The following KCNAB2 variants were observed in gnomAD, a reference collection of about 807,000 sequenced individuals.
KCNAB2 encodes voltage-gated potassium channel subunit beta-2.
KCNAB2 carries 29 observed loss-of-function variants against 63.6 expected under a neutral mutation model. The ratio of observed to expected loss-of-function variants is 0.46; its 90% CI spans 0.34 to 0.62. The LOEUF (loss-of-function observed/expected upper bound fraction) is 0.62. Ranked by LOEUF, KCNAB2 falls within the 20% of genes least tolerant of loss-of-function variation. KCNAB2 has a pLI of 0.01. For missense variants in KCNAB2, 359 were observed against 563.9 expected (o/e 0.64, Z 3.68); for synonymous variants, 222 against 224.2 (o/e 0.99, Z 0.09).
In KCNAB2 at chr1:6,098,628, G is replaced by T; in HGVS notation, c.*54G>T. ...TTCCGTTCCCTCCTAGTCTCTGTTCGCTCGCTTAAGCTGTTTTGAAGCCAA... is the reference window on the plus strand; with the variant it reads ...TTCCGTTCCCTCCTAGTCTCTGTTCTCTCGCTTAAGCTGTTTTGAAGCCAA... On this transcript the variant is annotated 3_prime_UTR_variant, in exon 16 of 16. Coordinates refer to ENST00000378083, the MANE Select transcript of KCNAB2 (RefSeq NM_001199862.2). 1.3e-6 allele frequency: 2 copies of T among 1,586,794 alleles called. No individual in the cohort carries two copies. Among genetic ancestry groups the T allele is most frequent in the Non-Finnish European group, 1.7e-6 (2 of 1,164,776 alleles).
At chr1:6,030,541 A>G (rs1484428261), upstream of KCNAB2, among the ~76,000 whole-genome samples, 8 of 150,688 alleles carry the variant, frequency 5.3e-5, no homozygotes, top group Admixed American at 5.3e-4. Context: ...GTGTGTACAT[A>G]TGTGTGTATG....
chr1:6,094,541 C>T (rs1226512758), intron 11 of KCNAB2, 56 bp downstream of exon 11: 44 of 1,419,166 alleles, frequency 3.1e-5, no homozygotes, highest in East Asian at 2.2e-4. Flanking sequence ...GCACCGGCTG[C>T]GTATGGAGAC....
chr1:6,098,421 C>T, intron 15 of KCNAB2, 64 bp from the exon 16 acceptor site: 1 of 1,599,898 alleles, frequency 6.3e-7, no homozygotes, highest in Non-Finnish European at 8.5e-7. Context: ...CTGGCCCCAC[C>T]TCCTCCCCAG....
At chr1:6,058,598 G>A (rs1467928548) in intron 2 of KCNAB2, among the ~76,000 whole-genome samples, 1 of 152,216 alleles carries the variant, frequency 6.6e-6, no homozygotes, top group East Asian at 1.9e-4. Flanking sequence ...CCCTGGAAAA[G>A]GGACCTTCCC....
chr1:6,019,519 C>G (rs974423977), intron 1 of KCNAB2, among the ~76,000 whole-genome samples: 1 of 152,156 alleles, frequency 6.6e-6, no homozygotes, highest in African/African-American at 2.4e-5. Flanking sequence ...AAGAGAGTGG[C>G]AGGGTGCTGA....
chr1:6,070,837 G>T (rs1182889067), intron 2 of KCNAB2, among the ~76,000 whole-genome samples: 2 of 152,166 alleles, frequency 1.3e-5, no homozygotes, highest in Non-Finnish European at 2.9e-5. Flanking sequence ...TTGGGCTCTG[G>T]CTTCAGAGCC....
chr1:6,063,931 G>A (rs1662532402), intron 2 of KCNAB2, among the ~76,000 whole-genome samples: 1 of 152,156 alleles, frequency 6.6e-6, no homozygotes, highest in Admixed American at 6.5e-5. Context: ...TGGTGAGGCC[G>A]ATGACATTTT....
intron 1 of KCNAB2, among the ~76,000 whole-genome samples, chr1:6,005,562 G>A (rs964763794): frequency 1.3e-5 from 2 of 151,910 alleles, no homozygotes; most frequent in Non-Finnish European, 2.9e-5. Flanking sequence ...CCCCCCATGA[G>A]TAGGAGTGGG....
chr1:6,079,884 C>T (rs557771434), intron 4 of KCNAB2, among the ~76,000 whole-genome samples: 7 of 152,256 alleles, frequency 4.6e-5, no homozygotes, highest in Admixed American at 2.0e-4. Flanking sequence ...TATTTTACCA[C>T]AACTTAAAGT....
chr1:6,088,937 A>G (rs1664941437), intron 7 of KCNAB2, 71 bp from the exon 8 acceptor site: 1 of 1,403,442 alleles, frequency 7.1e-7, no homozygotes, highest in African/African-American at 1.4e-5. Flanking sequence ...ATTGCATCGT[A>G]AACGTTTTTT....
rs968058793 is a variant in KCNAB2, at chr1:6,074,376, G to T, written c.300+606G>T. Among the ~76,000 whole-genome samples the T allele has an allele frequency of 2.6e-5, 4 of 152,218 alleles. No individual in the cohort carries two copies. Among genetic ancestry groups the T allele is most frequent in the Non-Finnish European group, 5.9e-5 (4 of 68,048 alleles). On this transcript the variant is annotated intron_variant, in intron 4 of 15. Transcript: ENST00000378083. This position sits in a 1 kb window ranked among gnomAD's most constrained non-coding sequence, Gnocchi z 4.9. ...GCTTGTATGCCGCCAGCGCCTCTGG[G>T]TCTCTCGGAAGGACAGGGACGGCAC...
At chr1:5,992,922 C>T in intron 1 of KCNAB2, 1 of 152,816 alleles carries the variant, frequency 6.5e-6, no homozygotes, top group Non-Finnish European at 1.5e-5. Context: ...CCCGGCCCTG[C>T]GTCCCTGCCT....
At position 6,074,691 on chromosome 1, in the gene KCNAB2, G is replaced by A. The variant is rs952345001; in HGVS notation, c.300+921G>A. Among the ~76,000 whole-genome samples the A allele has an allele frequency of 5.9e-5, 9 of 152,178 alleles. No homozygotes were observed. The highest frequency in any genetic ancestry group is 1.0e-4 in the Non-Finnish European group (7 of 68,036). On this transcript the variant is annotated intron_variant, in intron 4 of 15. Coordinates refer to ENST00000378083, the MANE Select transcript of KCNAB2 (RefSeq NM_001199862.2). This position sits in a 1 kb window ranked among gnomAD's most constrained non-coding sequence, Gnocchi z 4.9. Reference sequence around the variant, plus strand: ...AAGACACTAGCTGGCCGGGCGCGGTGACTCACACCTGTAACCCCAGCACTT... The same window carrying A: ...AAGACACTAGCTGGCCGGGCGCGGTAACTCACACCTGTAACCCCAGCACTT...
Position 6,040,665 on chromosome 1 carries a change from C to T in KCNAB2, c.77+20C>T, listed in dbSNP as rs2294937. On this transcript the variant is annotated intron_variant, in intron 2 of 15. Coordinates refer to the KCNAB2 transcript ENST00000164247. The stretch of plus-strand genomic sequence containing the variant: ...CTACAGGTGACCCCCTGCCCCCTCA[C>T]CCAGGCCCCCTCCCAGGGTCAGTCC... The T allele has an allele frequency of 1.3e-3, 1,896 of 1,484,078 alleles. 29 individuals are homozygous for T. The East Asian group carries it at 0.031, about 24-fold the overall frequency. The allele number at this position is 1,484,078 out of a possible 1,614,324, so 91.9% of individuals were successfully genotyped here.
intron 3 of KCNAB2, 102 bp downstream of exon 3, chr1:6,072,900 C>T (rs1265545028): frequency 9.1e-7 from 1 of 1,096,778 alleles, no homozygotes; most frequent in Non-Finnish European, 1.3e-6. Flanking sequence ...TGGCCCAAAC[C>T]TTGGCACTCC....
chr1:6,068,503 C>A (rs970326110), intron 2 of KCNAB2, among the ~76,000 whole-genome samples: 1 of 152,340 alleles, frequency 6.6e-6, no homozygotes, highest in East Asian at 1.9e-4. Context: ...TTGCAAACAC[C>A]GCCTTATACC....
chr1:6,080,565 C>T (rs1285754693), intron 4 of KCNAB2, among the ~76,000 whole-genome samples: 2 of 152,208 alleles, frequency 1.3e-5, no homozygotes, highest in Admixed American at 6.5e-5. Context: ...GCTCACTAAC[C>T]GGGGCTCAGC....
chr1:6,016,742 C>G (rs2100305616), intron 1 of KCNAB2, among the ~76,000 whole-genome samples: 1 of 152,316 alleles, frequency 6.6e-6, no homozygotes, highest in East Asian at 1.9e-4. Context: ...TAATACGTCC[C>G]ACTGGACTTC....
At chr1:6,031,825 G>A (rs1659649209), upstream of KCNAB2, among the ~76,000 whole-genome samples, 1 of 152,096 alleles carries the variant, frequency 6.6e-6, no homozygotes, top group Admixed American at 6.5e-5. The surrounding 1 kb of genome is among the most constrained non-coding windows in gnomAD (Gnocchi z 4.1). Context: ...ATAGGTCAGG[G>A]CTGCAGTGAG....
Sources: gnomAD v4.1 joint callset for allele counts (sites outside exome capture counted in the v4.1 genomes callset) on GRCh38, gnomAD v4.1.1 for gene constraint, Gnocchi (gnomAD v3.1) non-coding constraint, MANE v1.5 for transcripts, NCBI Gene and HGNC (gene_info 2026-07-23, HGNC 2026-07-21) for gene names.